The following TGFBR1 variants were observed in gnomAD, a reference collection of about 807,000 sequenced individuals.
TGFBR1 encodes TGF-beta receptor type-1.
In TGFBR1, 20 loss-of-function variants were observed where a neutral mutation model predicts 55.1. The ratio of observed to expected loss-of-function variants is 0.36; its 90% CI spans 0.26 to 0.53. The LOEUF is 0.53. Ranked by LOEUF, TGFBR1 falls within the 20% of genes least tolerant of loss-of-function variation. The probability of loss-of-function intolerance (pLI) is 0.91; values close to 1 mark genes in which losing one functional copy is unlikely to be tolerated. For synonymous variants in TGFBR1, 220 were observed against 214.8 expected (o/e 1.02, Z -0.21); for missense variants, 385 against 617.6 (o/e 0.62, Z 3.99).
chr9:99,129,177 A>T (rs1564149456), intron 2 of TGFBR1, 77 bp downstream of exon 2: 6 of 1,521,880 alleles, frequency 3.9e-6, no homozygotes, highest in Admixed American at 3.5e-5. Flanking sequence ...ACTGGAAGGG[A>T]TCATAAAAAT....
intron 1 of TGFBR1, among the ~76,000 whole-genome samples, chr9:99,126,275 G>T (rs1397126754): frequency 6.6e-6 from 1 of 152,158 alleles, no homozygotes; most frequent in Non-Finnish European, 1.5e-5. Context: ...GTCTTGTTAG[G>T]CTAGGTGTTT....
chr9:99,144,997 A>C lies in TGFBR1; in HGVS notation c.1130+109A>C. The C allele has an allele frequency of 2.3e-6, 3 of 1,277,612 alleles. No individual in the cohort carries two copies. The South Asian group carries it at 3.8e-5, about 16-fold the overall frequency. The allele number at this position is 1,277,612 out of a possible 1,614,324, so 79.1% of individuals were successfully genotyped here. On this transcript the variant is annotated intron_variant, in intron 6 of 8. Transcript: ENST00000374994. ...ACTCAGCTTAAACTTGCACTTTATT[A>C]GATTGCCAACAGGTAAGAAGATCTC... is the stretch of plus-strand genomic sequence containing the variant.
Position 99,152,319 on chromosome 9 carries a change from G to A in TGFBR1, c.*3014G>A. 1 of 218,992 alleles carries A rather than the reference G, an allele frequency of 4.6e-6. No individual in the cohort carries two copies. Among genetic ancestry groups the A allele is most frequent in the Non-Finnish European group, 9.2e-6 (1 of 108,722 alleles). The allele number at this position is 218,992 out of a possible 1,614,324, so 13.6% of individuals were successfully genotyped here. On this transcript the variant is annotated 3_prime_UTR_variant, in exon 9 of 9. Transcript: ENST00000374994. ...GTGGGATGGCAGCAAGGTGGCTCCT[G>A]TGGCAGTGGAGTTGTGCCAGAAACA...
At chr9:99,137,466 C>T (rs1042540196) in intron 3 of TGFBR1, among the ~76,000 whole-genome samples, 1 of 152,148 alleles carries the variant, frequency 6.6e-6, no homozygotes, top group African/African-American at 2.4e-5. Context: ...TGACAGCTTA[C>T]TTTCTCTTTT....
intron 1 of TGFBR1, among the ~76,000 whole-genome samples, chr9:99,110,504 G>C (rs1198244934): frequency 6.6e-6 from 1 of 152,162 alleles, no homozygotes; most frequent in Non-Finnish European, 1.5e-5. Flanking sequence ...CAGGTGACCA[G>C]TGCTCAGAAG....
chr9:99,105,466 C>A (rs1183234901), intron 1 of TGFBR1, among the ~76,000 whole-genome samples, 164 bp downstream of exon 1: 1 of 149,032 alleles, frequency 6.7e-6, no homozygotes, highest in Admixed American at 6.7e-5. Context: ...CGGCGGCTGC[C>A]GGGCGAACCG....
chr9:99,132,010 G>A (rs1827241973), intron 2 of TGFBR1, among the ~76,000 whole-genome samples: 1 of 151,138 alleles, frequency 6.6e-6, no homozygotes, highest in Non-Finnish European at 1.5e-5. Context: ...ACTGAAATGT[G>A]AGTTGTTTAG....
chr9:99,147,841 A>G, intron 8 of TGFBR1, 57 bp downstream of exon 8: 2 of 1,603,054 alleles, frequency 1.2e-6, no homozygotes. Flanking sequence ...CTTAGTAAGC[A>G]AAAGTTTGCT....
chr9:99,110,207 G>C (rs1002633391), intron 1 of TGFBR1, among the ~76,000 whole-genome samples: 1 of 152,056 alleles, frequency 6.6e-6, no homozygotes, highest in African/African-American at 2.4e-5. Flanking sequence ...TTATAAAGCT[G>C]CTCCCTCAAA....
rs190176458 is a variant in TGFBR1, at chr9:99,153,831, G to C, written c.*4526G>C. The C allele has an allele frequency of 1.2e-4, 26 of 211,596 alleles. No homozygotes were observed. The East Asian group carries it at 1.7e-3, about 14-fold the overall frequency. The allele number at this position is 211,596 out of a possible 1,614,324, so 13.1% of individuals were successfully genotyped here. ...GGAGTGCCCTCCTGTCTGCAGGTGTGTCTCTGTGCCTGGGGGCTTTTCTCC... is the reference window on the plus strand; with the variant it reads ...GGAGTGCCCTCCTGTCTGCAGGTGTCTCTCTGTGCCTGGGGGCTTTTCTCC... On this transcript the variant is annotated 3_prime_UTR_variant, in exon 9 of 9. Coordinates refer to ENST00000374994, the MANE Select transcript of TGFBR1 (RefSeq NM_004612.4).
chr9:99,146,678 T>G, intron 7 of TGFBR1, 69 bp downstream of exon 7: 1 of 1,605,832 alleles, frequency 6.2e-7, no homozygotes. Flanking sequence ...TCTTCTTTTT[T>G]TAATTGAATG....
At chr9:99,128,825 T>G (rs1018691881) in intron 1 of TGFBR1, 30 bp from the exon 2 acceptor site, 3 of 1,612,710 alleles carry the variant, frequency 1.9e-6, no homozygotes, top group Non-Finnish European at 2.5e-6. Context: ...AACCTTGAGA[T>G]TTTTTCTAAG....
intron 5 of TGFBR1, 115 bp from the exon 6 acceptor site, chr9:99,144,617 G>T (rs1332793806): frequency 4.2e-6 from 5 of 1,180,160 alleles, no homozygotes; most frequent in Non-Finnish European, 6.3e-6. Flanking sequence ...TGTAGGTCAT[G>T]TGGGCTGAAA....
intron 4 of TGFBR1, among the ~76,000 whole-genome samples, chr9:99,139,484 G>A (rs970959283): frequency 2.6e-5 from 4 of 152,176 alleles, no homozygotes; most frequent in East Asian, 1.9e-4. Flanking sequence ...ATCCCTCATC[G>A]TCCAGCTTCA....
Position 99,105,202 on chromosome 9 carries a change from G to A in TGFBR1, c.-4G>A, listed in dbSNP as rs1007933061. On this transcript the variant is annotated 5_prime_UTR_variant, in exon 1 of 9. Coordinates refer to ENST00000374994, the MANE Select transcript of TGFBR1 (RefSeq NM_004612.4). Reference sequence around the variant, plus strand: ...GCCGGGCCACAGGCGGTGGCGGCGGGACCATGGAGGCGGCGGTCGCTGCTC... The same window carrying A: ...GCCGGGCCACAGGCGGTGGCGGCGGAACCATGGAGGCGGCGGTCGCTGCTC... 29 of 1,083,624 alleles carry A rather than the reference G, an allele frequency of 2.7e-5. No homozygotes were observed. The highest frequency in any genetic ancestry group is 3.4e-5 in the African/African-American group (2 of 59,162). The allele number at this position is 1,083,624 out of a possible 1,614,324, so 67.1% of individuals were successfully genotyped here. A position where few individuals can be genotyped will look rare whatever the true frequency, so the allele number is the denominator to read the frequency against.
At chr9:99,148,846 G>A (rs75607206) in intron 8 of TGFBR1, among the ~76,000 whole-genome samples, 67 of 104,342 alleles carry the variant, frequency 6.4e-4, no homozygotes, top group Non-Finnish European at 7.9e-4. Flanking sequence ...AAAAAAAAAA[G>A]AAAGAAAAAT....
chr9:99,118,639 C>G (rs1420072130), intron 1 of TGFBR1, among the ~76,000 whole-genome samples: 1 of 139,934 alleles, frequency 7.1e-6, no homozygotes, highest in Non-Finnish European at 1.6e-5. Context: ...TTACTGTTTT[C>G]TTTCTTTTTT....
intron 4 of TGFBR1, among the ~76,000 whole-genome samples, chr9:99,139,496 C>T (rs1827546808): frequency 6.6e-6 from 1 of 152,196 alleles, no homozygotes; most frequent in East Asian, 1.9e-4. Flanking sequence ...CCAGCTTCAA[C>T]AGTTGTCAGG....
chr9:99,114,946 A>C (rs1324208633), intron 1 of TGFBR1, among the ~76,000 whole-genome samples: 8 of 152,134 alleles, frequency 5.3e-5, no homozygotes, highest in Non-Finnish European at 1.2e-4. Flanking sequence ...AGGAGAGACC[A>C]CACTTATCTG....
Sources: allele counts gnomAD v4.1 joint callset (sites outside exome capture counted in the v4.1 genomes callset), GRCh38; gene constraint gnomAD v4.1.1; transcripts MANE v1.5; gene names NCBI Gene and HGNC (gene_info 2026-07-23, HGNC 2026-07-21).